Variants in BTBD9 observed in about 807,000 individuals in gnomAD.
BTBD9 encodes the protein BTB/POZ domain-containing protein 9.
Under a neutral mutation model 64.3 loss-of-function variants are expected in BTBD9, and 49 were observed. That is an observed-to-expected ratio of 0.76 (90% confidence interval 0.61 to 0.97). BTBD9 has a LOEUF of 0.97. BTBD9 is among the 50% of genes least tolerant of loss of function. The pLI, the probability that BTBD9 is intolerant of heterozygous loss-of-function variation, is 0.00. For missense variants in BTBD9, 598 were observed against 762.1 expected (o/e 0.78, Z 2.53); for synonymous variants, 260 against 274.7 (o/e 0.95, Z 0.53).
intron 6 of BTBD9, among the ~76,000 whole-genome samples, chr6:38,422,228 T>C (rs980567767): frequency 1.3e-5 from 2 of 152,148 alleles, no homozygotes; most frequent in East Asian, 3.9e-4. Context: ...CTTTCTGTGA[T>C]AGAACCAATA....
intron 7 of BTBD9, among the ~76,000 whole-genome samples, chr6:38,290,318 A>G (rs1761909638): frequency 6.6e-6 from 1 of 151,694 alleles, no homozygotes; most frequent in Admixed American, 6.6e-5. Context: ...GCTCCCTGTG[A>G]CTTTGGAAAG....
At chr6:38,574,511 C>T (rs1438411246) in intron 6 of BTBD9, among the ~76,000 whole-genome samples, 2 of 152,090 alleles carry the variant, frequency 1.3e-5, no homozygotes, top group African/African-American at 4.8e-5. Flanking sequence ...CCGTGACCAA[C>T]GAGGATGGCA....
chr6:38,429,241 G>C (rs937174851), intron 6 of BTBD9, among the ~76,000 whole-genome samples: 1 of 151,062 alleles, frequency 6.6e-6, no homozygotes, highest in Non-Finnish European at 1.5e-5. Context: ...GATCACTTGA[G>C]GTCAGGAGTT....
intron 9 of BTBD9, among the ~76,000 whole-genome samples, chr6:38,212,085 A>G (rs1355890586): frequency 6.6e-6 from 1 of 152,224 alleles, no homozygotes; most frequent in African/African-American, 2.4e-5. Context: ...ACGTGGTCCC[A>G]GGAGAGGCTG....
intron 9 of BTBD9, among the ~76,000 whole-genome samples, chr6:38,235,328 C>T (rs760452596): frequency 1.4e-4 from 22 of 152,288 alleles, no homozygotes; most frequent in Admixed American, 7.2e-4. Flanking sequence ...GTAGTCAAGA[C>T]TGGAGGGTCA....
At chr6:38,488,823 AAG>A (rs1467112583) in intron 6 of BTBD9, among the ~76,000 whole-genome samples, 3 of 152,226 alleles carry the variant, frequency 2.0e-5, no homozygotes, top group Non-Finnish European at 2.9e-5. Context: ...AATTCAAAAA[AAG>A]AGAATAATTA....
chr6:38,266,626 GAAA>G (rs764636972), intron 8 of BTBD9, among the ~76,000 whole-genome samples: 19 of 54,644 alleles, frequency 3.5e-4, no homozygotes, highest in African/African-American at 1.2e-3. Flanking sequence ...AAGAAAGAAA[GAAA>G]GAAAGAAAGA....
At chr6:38,181,107 C>T (rs1320797915) in intron 10 of BTBD9, among the ~76,000 whole-genome samples, 1 of 152,242 alleles carries the variant, frequency 6.6e-6, no homozygotes, top group African/African-American at 2.4e-5. Context: ...TCCCTAAGCA[C>T]TATTTGCTTG....
At chr6:38,480,759 CT>C (rs1371745676) in intron 6 of BTBD9, among the ~76,000 whole-genome samples, 3 of 152,180 alleles carry the variant, frequency 2.0e-5, no homozygotes, top group Non-Finnish European at 4.4e-5. Context: ...CTCAATCTTT[CT>C]TCCTCTGAGT....
At chr6:38,433,857 T>C (rs1768573938) in intron 6 of BTBD9, among the ~76,000 whole-genome samples, 1 of 151,968 alleles carries the variant, frequency 6.6e-6, no homozygotes, top group Non-Finnish European at 1.5e-5. Flanking sequence ...ACAGAGACCA[T>C]GTCTGTTAAG....
intron 7 of BTBD9, among the ~76,000 whole-genome samples, chr6:38,318,571 G>C (rs946738569): frequency 6.6e-5 from 10 of 152,174 alleles, no homozygotes; most frequent in African/African-American, 2.4e-4. Flanking sequence ...GAATTCTCTG[G>C]ATTGCCAGAC....
intron 9 of BTBD9, among the ~76,000 whole-genome samples, chr6:38,225,155 G>C (rs1433427130): frequency 1.3e-5 from 2 of 152,216 alleles, no homozygotes; most frequent in Non-Finnish European, 2.9e-5. Context: ...GAAATGTTCA[G>C]TCAGAAGTTC....
At chr6:38,424,921 C>T (rs1037220011) in intron 6 of BTBD9, among the ~76,000 whole-genome samples, 2 of 151,866 alleles carry the variant, frequency 1.3e-5, no homozygotes, top group Non-Finnish European at 2.9e-5. Context: ...TTACTGCAAC[C>T]TCCGCCACCC....
intron 1 of BTBD9, among the ~76,000 whole-genome samples, chr6:38,599,631 CT>C (rs1172725151): frequency 6.6e-6 from 1 of 152,184 alleles, no homozygotes; most frequent in Non-Finnish European, 1.5e-5. Flanking sequence ...ACCTCCACAC[CT>C]TTTTGAGCTC....
At chr6:38,497,091 G>C (rs982119651) in intron 6 of BTBD9, among the ~76,000 whole-genome samples, 1 of 152,140 alleles carries the variant, frequency 6.6e-6, no homozygotes, top group Non-Finnish European at 1.5e-5. Context: ...CATCTAGCAA[G>C]CAAATGACAG....
chr6:38,200,971 G>T (rs1489673039), intron 9 of BTBD9, among the ~76,000 whole-genome samples: 2 of 152,126 alleles, frequency 1.3e-5, no homozygotes, highest in Admixed American at 1.3e-4. Context: ...AGTGAGCATT[G>T]ATTGTGCCAT....
chr6:38,244,904 G>C (rs2127526984), intron 9 of BTBD9, among the ~76,000 whole-genome samples: 1 of 152,292 alleles, frequency 6.6e-6, no homozygotes, highest in Admixed American at 6.5e-5. Context: ...ATCACCATGG[G>C]CAAATCTTAT....
chr6:38,637,091 C>T (rs536341938), intron 1 of BTBD9, among the ~76,000 whole-genome samples: 1 of 152,178 alleles, frequency 6.6e-6, no homozygotes, highest in Non-Finnish European at 1.5e-5. Flanking sequence ...CCATCCCCTT[C>T]TTCTCAACAT....
At chr6:38,597,190 G>A (rs571845826) in intron 2 of BTBD9, among the ~76,000 whole-genome samples, 6 of 152,254 alleles carry the variant, frequency 3.9e-5, no homozygotes, top group Non-Finnish European at 7.3e-5. Context: ...GCCAGACACT[G>A]CAGTTATCAC....
Sources: allele counts gnomAD v4.1 joint callset (sites outside exome capture counted in the v4.1 genomes callset), GRCh38; gene constraint gnomAD v4.1.1; transcripts MANE v1.5; gene names NCBI Gene and HGNC (gene_info 2026-07-23, HGNC 2026-07-21).